Variants in DEPDC1 observed in about 807,000 individuals in gnomAD.
DEPDC1 encodes DEP domain containing 1, also known as DEP domain-containing protein 1A.
A neutral mutation model predicts 86.8 loss-of-function variants in DEPDC1; 66 were observed. The ratio of observed to expected loss-of-function variants is 0.76; its 90% CI spans 0.62 to 0.93. The LOEUF is 0.93. Among genes scored for constraint, DEPDC1 ranks in the 40% least tolerant of loss-of-function variants. The pLI is 0.00. For synonymous variants in DEPDC1, 255 were observed against 314.9 expected, an observed-to-expected ratio of 0.81 and a Z score of 2.02; for missense variants, 792 against 935.7, an observed-to-expected ratio of 0.85 and a Z score of 2.00.
chr1:68,480,200 C>T (rs904529179), intron 9 of DEPDC1, among the ~76,000 whole-genome samples: 1 of 151,370 alleles, frequency 6.6e-6, no homozygotes, highest in Admixed American at 6.6e-5. Context: ...TGATTACTCT[C>T]ACTTATTACT....
Position 68,496,449 on chromosome 1 carries a change from A to T in DEPDC1, c.48+503T>A, listed in dbSNP as rs1488741531. On this transcript the variant is annotated intron_variant, in intron 1 of 11. Transcript: ENST00000456315. The surrounding 1 kb of genome is among the most constrained non-coding windows in gnomAD (Gnocchi z 4.0). ...TGGGTACTCAGAAATACCGTTTTGA[A>T]ACAGGCAGCTGTTATCCTAGTGCTA... is the stretch of plus-strand genomic sequence containing the variant. Among the ~76,000 whole-genome samples the T allele has an allele frequency of 6.6e-6, 1 of 152,250 alleles. No individual in the cohort carries two copies. Among genetic ancestry groups the T allele is most frequent in the African/African-American group, 2.4e-5 (1 of 41,468 alleles).
chr1:68,477,699 TAAGA>T (rs1488001929), intron 11 of DEPDC1, 84 bp downstream of exon 11: 5 of 882,474 alleles, frequency 5.7e-6, no homozygotes, highest in Non-Finnish European at 8.1e-6. Context: ...AATATTAAAA[TAAGA>T]AAGTAGATTC....
rs1227155636 is a variant in DEPDC1 at position 68,491,920 on chromosome 1, AT to A, written c.315-2313del. Among the ~76,000 whole-genome samples the A allele has an allele frequency of 3.3e-3, 463 of 138,864 alleles. 1 individual carries two copies. Among genetic ancestry groups the A allele is most frequent in the African/African-American group, 5.5e-3 (206 of 37,488 alleles). The allele number at this position is 138,864 out of a possible 152,430, so 91.1% of individuals were successfully genotyped here. ...ATATGCCACCATGCCTGGCTAATTAATTTTTTTTTTTTTTTTTGTAGAGACA... is the reference window on the plus strand; with the variant it reads ...ATATGCCACCATGCCTGGCTAATTAATTTTTTTTTTTTTTTTGTAGAGACA... On this transcript the variant is annotated intron_variant, in intron 2 of 11. Transcript: ENST00000456315.
intron 4 of DEPDC1, 70 bp from the exon 5 acceptor site, chr1:68,488,574 AC>A: frequency 7.8e-7 from 1 of 1,281,766 alleles, no homozygotes; most frequent in Non-Finnish European, 1.1e-6. Context: ...TGACTAGTAA[AC>A]AAAGCCATCA....
chr1:68,491,888 C>T (rs1168812519), intron 2 of DEPDC1, among the ~76,000 whole-genome samples: 1 of 151,628 alleles, frequency 6.6e-6, no homozygotes, highest in Non-Finnish European at 1.5e-5. Flanking sequence ...TAGATGAGAC[C>T]ACAGGCATAT....
Position 68,476,593 on chromosome 1 carries a change from ATTTTC to A in DEPDC1, c.*334_*338del, listed in dbSNP as rs1046287939. 29 of 166,004 alleles carry A rather than the reference ATTTTC, an allele frequency of 1.7e-4. No individual in the cohort carries two copies. Among genetic ancestry groups the A allele is most frequent in the Non-Finnish European group, 3.4e-4 (26 of 77,572 alleles). The allele number at this position is 166,004 out of a possible 1,614,324, so 10.3% of individuals were successfully genotyped here. A position where few individuals can be genotyped will look rare whatever the true frequency, so the allele number is the denominator to read the frequency against. ...TCAGAACTTGCACATTTGCAGATAA[ATTTTC>A]TTTTAAGAACAGAATTATAGTTTAA... On this transcript the variant is annotated 3_prime_UTR_variant, in exon 12 of 12. Coordinates refer to ENST00000456315, the MANE Select transcript of DEPDC1 (RefSeq NM_001114120.3).
chr1:68,496,853 T>G lies in DEPDC1; in HGVS notation c.48+99A>C. On this transcript the variant is annotated intron_variant, in intron 1 of 11. Coordinates refer to ENST00000456315, the MANE Select transcript of DEPDC1 (RefSeq NM_001114120.3). This position sits in a 1 kb window ranked among gnomAD's most constrained non-coding sequence, Gnocchi z 4.0. The stretch of plus-strand genomic sequence containing the variant: ...ACCTAGGGATCCTGGGACTCATCCC[T>G]CCGACCGAGGTAAAACTGCGAACGG... The G allele has an allele frequency of 8.2e-7, 1 of 1,213,560 alleles. No individual in the cohort carries two copies. Among genetic ancestry groups the G allele is most frequent in the Non-Finnish European group, 1.2e-6 (1 of 840,646 alleles). 75.2% of individuals were successfully genotyped at this position (1,213,560 alleles called of 1,614,324 possible).
At position 68,482,209 on chromosome 1, in the gene DEPDC1, G is replaced by A. The variant is rs777469763; in HGVS notation, c.1599C>T (p.Ile533=). The A allele has an allele frequency of 6.2e-7, 1 of 1,612,876 alleles. No homozygotes were observed. The highest frequency in any genetic ancestry group is 8.5e-7 in the Non-Finnish European group (1 of 1,179,226). Residue 533 remains isoleucine, a synonymous_variant, in exon 8 of 12, where the codon ATC becomes ATT. Transcript: ENST00000456315. ...TGCCTTGTCCAACATTTGGTTTCAT[G>A]ATAATTTCAGCCACTGGTGTATTGA... is the stretch of plus-strand genomic sequence containing the variant. The part of the protein sequence containing the change: ...SYINTPVAEI[I]MKPNVGQGST...
intron 7 of DEPDC1, chr1:68,483,419 C>A: frequency 2.2e-6 from 1 of 463,372 alleles, no homozygotes; most frequent in Admixed American, 2.5e-5. Flanking sequence ...CAACTACAAC[C>A]TTGTGGGAGG....
chr1:68,491,768 T>C (rs1646230017), intron 2 of DEPDC1, among the ~76,000 whole-genome samples: 2 of 152,102 alleles, frequency 1.3e-5, no homozygotes, highest in Non-Finnish European at 2.9e-5. Context: ...TCTTTTACCA[T>C]ATATCAATTT....
At position 68,488,994 on chromosome 1, in the gene DEPDC1, T is replaced by A. The variant is rs377760708; in HGVS notation, c.512A>T (p.Asp171Val). The A allele has an allele frequency of 2.7e-5, 43 of 1,607,354 alleles. No homozygotes were observed. The highest frequency in any genetic ancestry group is 3.2e-5 in the Non-Finnish European group (38 of 1,176,278). Residue 171 changes from aspartate to valine, a missense_variant, in exon 4 of 12, where the codon GAT becomes GTT. Physicochemically the swap from Asp to Val is radical, Grantham distance 152. Transcript: ENST00000456315. The part of the protein sequence containing the change: ...EKIKHEIINE[D>V]QENAIDNREL... ...TCTATTATCAATTGCATTTTCTTGA[T>A]CTTCATTGATTATTTCATGCTTTAT...
At chr1:68,478,055 C>T in intron 10 of DEPDC1, 83 bp from the exon 11 acceptor site, 1 of 983,134 alleles carries the variant, frequency 1.0e-6, no homozygotes, top group Non-Finnish European at 1.4e-6. Context: ...GGATCTAGCA[C>T]CTATTAATTT....
intron 10 of DEPDC1, 115 bp downstream of exon 10, chr1:68,479,029 T>G (rs1291212302): frequency 1.2e-6 from 1 of 832,400 alleles, no homozygotes; most frequent in Admixed American, 2.7e-5. Flanking sequence ...TTCCTGACTT[T>G]TAGAGGTTGT....
At chr1:68,492,027 G>A (rs147328927) in intron 2 of DEPDC1, among the ~76,000 whole-genome samples, 150 of 151,946 alleles carry the variant, frequency 9.9e-4, no homozygotes, top group African/African-American at 3.5e-3. Context: ...AAAGTGCTGG[G>A]ATTACAGGTG....
At chr1:68,495,299 A>C (rs775228772) in intron 1 of DEPDC1, among the ~76,000 whole-genome samples, 3 of 152,224 alleles carry the variant, frequency 2.0e-5, no homozygotes, top group African/African-American at 7.2e-5. Flanking sequence ...TCTGGAAATA[A>C]GGAAGAACTA....
At chr1:68,489,632 TA>T in intron 2 of DEPDC1, 24 bp from the exon 3 acceptor site, 1 of 1,506,236 alleles carries the variant, frequency 6.6e-7, no homozygotes. Flanking sequence ...AATAAGCAAT[TA>T]AATAATGTGA....
Position 68,477,283 on chromosome 1 carries a change from T to C in DEPDC1, c.2299-214A>G, listed in dbSNP as rs552316539. On this transcript the variant is annotated intron_variant, in intron 11 of 11. Coordinates refer to ENST00000456315, the MANE Select transcript of DEPDC1 (RefSeq NM_001114120.3). ...AACATTAACATTTTAGGATTCTTTC[T>C]CTTCCGATGTTAATTCTCCCCCTAA... is the stretch of plus-strand genomic sequence containing the variant. Among the ~76,000 whole-genome samples, 6 of 151,852 alleles carry C rather than the reference T, an allele frequency of 4.0e-5. No individual in the cohort carries two copies. The East Asian group carries it at 1.2e-3, about 29-fold the overall frequency.
chr1:68,488,767 C>G (rs1030250067), intron 4 of DEPDC1, 149 bp downstream of exon 4: 3 of 680,446 alleles, frequency 4.4e-6, no homozygotes, highest in Non-Finnish European at 7.6e-6. Flanking sequence ...AGAGCTATAA[C>G]AAGAGTATTT....
chr1:68,492,121 G>A (rs570050423), intron 2 of DEPDC1, among the ~76,000 whole-genome samples: 1 of 152,128 alleles, frequency 6.6e-6, no homozygotes, highest in South Asian at 2.1e-4. Flanking sequence ...TCAGAAGTTT[G>A]ACCTTGGTCT....
Sources: allele counts gnomAD v4.1 joint callset (sites outside exome capture counted in the v4.1 genomes callset), GRCh38; gene constraint gnomAD v4.1.1; non-coding constraint Gnocchi (gnomAD v3.1); transcripts MANE v1.5; gene names NCBI Gene and HGNC (gene_info 2026-07-23, HGNC 2026-07-21).